The following TXNDC16 variants were observed in gnomAD, a reference collection of about 807,000 sequenced individuals.
TXNDC16 encodes thioredoxin domain-containing protein 16.
In TXNDC16, 74 loss-of-function variants were observed where a neutral mutation model predicts 85.6. The observed-to-expected ratio is 0.86, with a 90% CI of 0.72 to 1.05. The LOEUF (loss-of-function observed/expected upper bound fraction) is 1.05, where lower values mean the gene tolerates loss of function less well. Ranked by LOEUF, TXNDC16 falls within the 50% of genes least tolerant of loss-of-function variation. TXNDC16 has a pLI of 0.00. For missense variants in TXNDC16, 959 were observed against 947.0 expected (o/e 1.01, Z -0.17); for synonymous variants, 335 against 326.5 (o/e 1.03, Z -0.28).
chr14:52,488,029 G>A (rs543414890), intron 12 of TXNDC16, among the ~76,000 whole-genome samples: 1 of 152,132 alleles, frequency 6.6e-6, no homozygotes, highest in Non-Finnish European at 1.5e-5. Context: ...TAGTAACAAT[G>A]AATTATCATG....
chr14:52,501,451 A>G (rs1475060195), intron 9 of TXNDC16, among the ~76,000 whole-genome samples: 1 of 152,230 alleles, frequency 6.6e-6, no homozygotes, highest in Non-Finnish European at 1.5e-5. Context: ...ATTATTTCAG[A>G]TCCTGAACCC....
chr14:52,511,226 A>T lies in TXNDC16; in HGVS notation c.756+14T>A. The T allele has an allele frequency of 6.7e-7, 1 of 1,498,260 alleles. No individual in the cohort carries two copies. Among genetic ancestry groups the T allele is most frequent in the Non-Finnish European group, 9.0e-7 (1 of 1,113,832 alleles). The allele number at this position is 1,498,260 out of a possible 1,614,324, so 92.8% of individuals were successfully genotyped here. ...CAGTAGAAAGCAAATAAAAATATAA[A>T]ATAAGACACATACCAACAGAGGTGC... is the stretch of plus-strand genomic sequence containing the variant. On this transcript the variant is annotated intron_variant, in intron 9 of 20. Coordinates refer to ENST00000281741, the MANE Select transcript of TXNDC16 (RefSeq NM_020784.3).
At chr14:52,509,423 G>A (rs2036899424) in intron 9 of TXNDC16, among the ~76,000 whole-genome samples, 1 of 151,856 alleles carries the variant, frequency 6.6e-6, no homozygotes, top group Non-Finnish European at 1.5e-5. Flanking sequence ...ATGCTAGAAT[G>A]GAAGATTAAA....
intron 11 of TXNDC16, among the ~76,000 whole-genome samples, chr14:52,489,202 T>C (rs2036346213): frequency 6.6e-6 from 1 of 152,206 alleles, no homozygotes; most frequent in African/African-American, 2.4e-5. Flanking sequence ...TCTAAATTAA[T>C]TCCACTAATA....
At chr14:52,530,161 T>C (rs1165426983) in intron 6 of TXNDC16, among the ~76,000 whole-genome samples, 2 of 87,526 alleles carry the variant, frequency 2.3e-5, no homozygotes, top group Non-Finnish European at 3.9e-5. Flanking sequence ...ATATAATTTA[T>C]ATATATTATA....
intron 14 of TXNDC16, among the ~76,000 whole-genome samples, chr14:52,477,182 A>C (rs573414001): frequency 3.3e-5 from 5 of 152,330 alleles, no homozygotes; most frequent in Admixed American, 1.3e-4. Flanking sequence ...GGAGCTCTAG[A>C]TCTTGAAACA....
Position 52,432,500 on chromosome 14 carries a change from G to T in TXNDC16, c.2282C>A (p.Thr761Asn), listed in dbSNP as rs1485929136. 1 of 1,613,916 alleles carries T rather than the reference G, an allele frequency of 6.2e-7. No homozygotes were observed. Among genetic ancestry groups the T allele is most frequent in the South Asian group, 1.1e-5 (1 of 91,058 alleles). The change falls in exon 21 of 21, where the codon ACT becomes AAT. Residue 761 changes from threonine to asparagine, a missense_variant. Coordinates refer to ENST00000281741, the MANE Select transcript of TXNDC16 (RefSeq NM_020784.3). ...TTTCATACACTTGGGAACTTTCCTAGTGCCACGTTGAGATGTTGCGGCATC... is the reference window on the plus strand; with the variant it reads ...TTTCATACACTTGGGAACTTTCCTATTGCCACGTTGAGATGTTGCGGCATC... ...MIDAATSQRG[T>N]RKVPKCMKET...
In TXNDC16 at chr14:52,505,298, CA is replaced by C. The variant is rs766173752; in HGVS notation, c.756+5941del. ...TTTCAGCACCACACCACACCTATTCCAAAATTGACCACATAGTTGGAAGTAA... is the reference window on the plus strand; with the variant it reads ...TTTCAGCACCACACCACACCTATTCCAAATTGACCACATAGTTGGAAGTAA... On this transcript the variant is annotated intron_variant, in intron 9 of 20. Transcript: ENST00000281741. Among the ~76,000 whole-genome samples, 9 of 152,248 alleles carry C rather than the reference CA, an allele frequency of 5.9e-5. No homozygotes were observed. The East Asian group carries it at 1.7e-3, about 29-fold the overall frequency.
intron 2 of TXNDC16, 93 bp from the exon 3 acceptor site, chr14:52,543,723 ACATCATTTG>A (rs1011772395): frequency 1.4e-6 from 1 of 733,990 alleles, no homozygotes; most frequent in African/African-American, 1.8e-5. Flanking sequence ...GTCATTAGTC[ACATCATTTG>A]ATTTTGCTAG....
chr14:52,508,932 C>T (rs1394168769), intron 9 of TXNDC16, among the ~76,000 whole-genome samples: 1 of 152,140 alleles, frequency 6.6e-6, no homozygotes, highest in Non-Finnish European at 1.5e-5. Context: ...GGAGGGATAG[C>T]ATTAGGAGAT....
chr14:52,547,344 T>C (rs2037960751), intron 1 of TXNDC16, among the ~76,000 whole-genome samples: 1 of 152,286 alleles, frequency 6.6e-6, no homozygotes, highest in African/African-American at 2.4e-5. Context: ...AAAAAGTATT[T>C]GTTACTTGTC....
chr14:52,510,757 C>T (rs2036935668), intron 9 of TXNDC16, among the ~76,000 whole-genome samples: 1 of 152,196 alleles, frequency 6.6e-6, no homozygotes, highest in South Asian at 2.1e-4. Flanking sequence ...TGATCACCAT[C>T]ACCTAGTGTC....
chr14:52,537,507 G>T, intron 5 of TXNDC16, 92 bp downstream of exon 5: 1 of 948,268 alleles, frequency 1.1e-6, no homozygotes, highest in Non-Finnish European at 1.6e-6. Flanking sequence ...CCCTACATAT[G>T]ACTTTATTCT....
rs1420419328 is a variant in TXNDC16, at chr14:52,431,809, A to G, written c.*495T>C. 6.6e-6 allele frequency: 1 copy of G among 152,328 alleles called. No homozygotes were observed. Among genetic ancestry groups the G allele is most frequent in the South Asian group, 2.1e-4 (1 of 4,832 alleles). 9.4% of individuals were successfully genotyped at this position (152,328 alleles called of 1,614,324 possible). ...TAAAACAAATATAACTGTCAGCTGCATGAATGCACTGTGGAGTTAACTGTG... is the reference window on the plus strand; with the variant it reads ...TAAAACAAATATAACTGTCAGCTGCGTGAATGCACTGTGGAGTTAACTGTG... On this transcript the variant is annotated 3_prime_UTR_variant, in exon 21 of 21. Transcript: ENST00000281741.
intron 12 of TXNDC16, among the ~76,000 whole-genome samples, chr14:52,485,612 T>C (rs2036250618): frequency 6.6e-6 from 1 of 152,216 alleles, no homozygotes; most frequent in Admixed American, 6.5e-5. Context: ...TTTTATACCA[T>C]GTTTTTATTG....
chr14:52,489,934 T>C (rs1156450145), intron 11 of TXNDC16, among the ~76,000 whole-genome samples: 1 of 152,158 alleles, frequency 6.6e-6, no homozygotes, highest in South Asian at 2.1e-4. Context: ...CCTCTGGGGC[T>C]CAAGTGATTC....
intron 9 of TXNDC16, among the ~76,000 whole-genome samples, chr14:52,498,664 T>C (rs1283877080): frequency 6.6e-6 from 1 of 151,776 alleles, no homozygotes; most frequent in South Asian, 2.1e-4. Context: ...TGAGAGAAAA[T>C]TTAAAAGACA....
At chr14:52,473,876 T>C (rs982758858) in intron 14 of TXNDC16, among the ~76,000 whole-genome samples, 2 of 143,938 alleles carry the variant, frequency 1.4e-5, no homozygotes, top group African/African-American at 2.7e-5. Flanking sequence ...AGACAGATGA[T>C]AGGACTAAAT....
At chr14:52,532,131 T>A (rs1038144264) in intron 6 of TXNDC16, among the ~76,000 whole-genome samples, 15 of 151,980 alleles carry the variant, frequency 9.9e-5, no homozygotes, top group Non-Finnish European at 1.6e-4. Flanking sequence ...ATAGGGAAAT[T>A]CAAAAGACAA....
Sources: gnomAD v4.1 joint callset for allele counts (sites outside exome capture counted in the v4.1 genomes callset) on GRCh38, gnomAD v4.1.1 for gene constraint, MANE v1.5 for transcripts, NCBI Gene and HGNC (gene_info 2026-07-23, HGNC 2026-07-21) for gene names.